The following CNBD1 variants were observed in gnomAD, a reference collection of about 807,000 sequenced individuals.
The protein encoded by CNBD1 is cyclic nucleotide binding domain containing 1.
A neutral mutation model predicts 54.4 loss-of-function variants in CNBD1; 71 were observed. The ratio of observed to expected loss-of-function variants is 1.30; its 90% confidence interval spans 1.08 to 1.59. The LOEUF is 1.59. Ranked by LOEUF, CNBD1 falls within the 40% of genes most tolerant of loss-of-function variation. The pLI, the probability that CNBD1 is intolerant of heterozygous loss-of-function variation, is 0.00. For missense variants in CNBD1, 659 were observed against 518.0 expected (o/e 1.27, Z -2.64); for synonymous variants, 182 against 170.7 (o/e 1.07, Z -0.51).
chr8:87,371,243 A>G (rs977923872), intron 10 of CNBD1, among the ~76,000 whole-genome samples: 1 of 152,032 alleles, frequency 6.6e-6, no homozygotes, highest in South Asian at 2.1e-4. Flanking sequence ...ACTTTAAAGT[A>G]GTTTTTTCCA....
At chr8:87,115,243 G>A (rs1465638126) in intron 4 of CNBD1, among the ~76,000 whole-genome samples, 1 of 152,084 alleles carries the variant, frequency 6.6e-6, no homozygotes, top group Non-Finnish European at 1.5e-5. Context: ...TTAGACAATA[G>A]CAACAATTTA....
chr8:87,085,069 C>A (rs1416795031), intron 4 of CNBD1, among the ~76,000 whole-genome samples: 1 of 152,016 alleles, frequency 6.6e-6, no homozygotes, highest in Non-Finnish European at 1.5e-5. Flanking sequence ...TTGAAGAATT[C>A]CCAGTCATTA....
chr8:87,351,887 G>A lies in CNBD1; in HGVS notation c.1152+93G>A, dbSNP rs1810305035. 4 of 1,190,626 alleles carry A rather than the reference G, an allele frequency of 3.4e-6. No individual in the cohort carries two copies. In the South Asian group the frequency reaches 8.1e-5, roughly 24 times the overall value. The allele number at this position is 1,190,626 out of a possible 1,614,324, so 73.8% of individuals were successfully genotyped here. On this transcript the variant is annotated intron_variant, in intron 9 of 10. Transcript: ENST00000518476. The stretch of plus-strand genomic sequence containing the variant: ...TCATGTACTTACTAGACATTTATTT[G>A]TATTACTTTGTGAAATTTCTATTCA...
intron 2 of CNBD1, among the ~76,000 whole-genome samples, chr8:87,392,948 C>T (rs977931991): frequency 6.6e-6 from 1 of 151,844 alleles, no homozygotes; most frequent in African/African-American, 2.4e-5. Context: ...TAGCATTTAA[C>T]TAGTTTTTAT....
chr8:87,194,338 G>A (rs899730740), intron 4 of CNBD1, among the ~76,000 whole-genome samples: 2 of 152,190 alleles, frequency 1.3e-5, no homozygotes, highest in African/African-American at 4.8e-5. Flanking sequence ...AGTGAGTTTT[G>A]AATCATTAAG....
At chr8:86,996,133 AT>A (rs1283721513) in intron 4 of CNBD1, among the ~76,000 whole-genome samples, 1 of 151,772 alleles carries the variant, frequency 6.6e-6, no homozygotes, top group African/African-American at 2.4e-5. Flanking sequence ...TTATTATTTT[AT>A]TTTTTTTAAT....
At chr8:87,218,725 T>C (rs1055953870) in intron 5 of CNBD1, among the ~76,000 whole-genome samples, 2 of 152,030 alleles carry the variant, frequency 1.3e-5, no homozygotes, top group African/African-American at 4.8e-5. Flanking sequence ...TGTTTTGATA[T>C]AAATTTTAAA....
At chr8:87,034,378 A>G (rs1809861088) in intron 4 of CNBD1, among the ~76,000 whole-genome samples, 1 of 152,228 alleles carries the variant, frequency 6.6e-6, no homozygotes. Flanking sequence ...TCATGAGGCA[A>G]TGGTTAGAAT....
chr8:86,965,723 C>T (rs1192370456), intron 4 of CNBD1, among the ~76,000 whole-genome samples: 2 of 152,066 alleles, frequency 1.3e-5, no homozygotes, highest in African/African-American at 4.8e-5. Flanking sequence ...ACTTCTTGTT[C>T]TGTATGCAGG....
intron 4 of CNBD1, among the ~76,000 whole-genome samples, chr8:87,019,659 C>T (rs1809441229): frequency 6.6e-6 from 1 of 152,126 alleles, no homozygotes; most frequent in Admixed American, 6.6e-5. Flanking sequence ...GGGCGGATCA[C>T]CTAACGTCGG....
chr8:87,067,673 A>G lies in CNBD1; in HGVS notation c.431+127919A>G, dbSNP rs564714826. ...TTAGAGATTTTAGAACATTCTTTGC[A>G]TTTTTCAGTCTTCACAAATTAAAAT... On this transcript the variant is annotated intron_variant, in intron 4 of 10. Coordinates refer to ENST00000518476, the MANE Select transcript of CNBD1 (RefSeq NM_173538.3). Among the ~76,000 whole-genome samples the G allele has an allele frequency of 4.6e-5, 7 of 151,934 alleles. No individual in the cohort carries two copies. The South Asian group carries it at 1.2e-3, about 27-fold the overall frequency.
intron 3 of CNBD1, among the ~76,000 whole-genome samples, chr8:86,926,754 C>A (rs1051951644): frequency 6.6e-6 from 1 of 152,160 alleles, no homozygotes; most frequent in Non-Finnish European, 1.5e-5. Flanking sequence ...AAAGACTCCA[C>A]CTGGGATTGC....
intron 4 of CNBD1, among the ~76,000 whole-genome samples, chr8:86,975,941 T>A (rs1808330952): frequency 1.3e-5 from 2 of 152,052 alleles, no homozygotes. Context: ...TGTGAGGTGA[T>A]ATTTCATTTT....
At chr8:87,183,132 C>T (rs1359390735) in intron 4 of CNBD1, among the ~76,000 whole-genome samples, 2 of 152,106 alleles carry the variant, frequency 1.3e-5, no homozygotes, top group Non-Finnish European at 2.9e-5. Flanking sequence ...AGACAGTTAT[C>T]CCAGCACCAT....
intron 4 of CNBD1, among the ~76,000 whole-genome samples, chr8:87,108,096 A>G (rs755852647): frequency 6.6e-6 from 1 of 152,076 alleles, no homozygotes; most frequent in Non-Finnish European, 1.5e-5. Flanking sequence ...ATGACATGAT[A>G]GTTTTGAAAA....
At chr8:87,041,357 A>C (rs1810064192) in intron 4 of CNBD1, among the ~76,000 whole-genome samples, 2 of 152,166 alleles carry the variant, frequency 1.3e-5, no homozygotes, top group Admixed American at 1.3e-4. Context: ...AACTAAGGGA[A>C]TAGCCAGTGT....
intron 5 of CNBD1, among the ~76,000 whole-genome samples, chr8:87,225,526 A>C (rs1814462874): frequency 1.3e-5 from 2 of 150,682 alleles, no homozygotes; most frequent in South Asian, 4.2e-4. Context: ...GGTTCTGTTT[A>C]TATGCTGGAT....
chr8:87,019,531 A>G (rs920851950), intron 4 of CNBD1, among the ~76,000 whole-genome samples: 2 of 152,226 alleles, frequency 1.3e-5, no homozygotes, highest in Non-Finnish European at 2.9e-5. Flanking sequence ...CTTGCATTTA[A>G]TTTATACCCT....
chr8:86,974,012 G>A (rs1195236282), intron 4 of CNBD1, among the ~76,000 whole-genome samples: 1 of 151,938 alleles, frequency 6.6e-6, no homozygotes, highest in African/African-American at 2.4e-5. Context: ...CTTCTAGGAG[G>A]ATTTTTTTTA....
Sources: gnomAD v4.1 joint callset for allele counts (sites outside exome capture counted in the v4.1 genomes callset) on GRCh38, gnomAD v4.1.1 for gene constraint, MANE v1.5 for transcripts, NCBI Gene and HGNC (gene_info 2026-07-23, HGNC 2026-07-21) for gene names.